The following HNRNPK variants were observed in gnomAD, a reference collection of about 807,000 sequenced individuals.
HNRNPK encodes the protein heterogeneous nuclear ribonucleoprotein K, also known as dC-stretch binding protein.
Under a neutral mutation model 67.0 loss-of-function variants are expected in HNRNPK, and 7 were observed. The observed-to-expected ratio is 0.10, with a 90% CI of 0.06 to 0.20. The LOEUF is 0.20. Ranked by LOEUF, HNRNPK falls within the 10% of genes least tolerant of loss-of-function variation. HNRNPK has a pLI of 1.00. For missense variants in HNRNPK, 264 were observed against 606.5 expected (o/e 0.44, Z 5.93); for synonymous variants, 213 against 193.7 (o/e 1.10, Z -0.83).
intron 4 of HNRNPK, 27 bp from the exon 5 acceptor site, chr9:83,977,078 T>A: frequency 6.4e-7 from 1 of 1,570,074 alleles, no homozygotes. Context: ...GACAAAAAAT[T>A]ATTTTGCCTT....
intron 6 of HNRNPK, 35 bp downstream of exon 6, chr9:83,975,427 A>C (rs762550222): frequency 6.3e-7 from 1 of 1,591,974 alleles, no homozygotes; most frequent in Non-Finnish European, 8.6e-7. Context: ...CTCTCTTTCT[A>C]ATCAGGCAGT....
intron 3 of HNRNPK, 121 bp downstream of exon 3, chr9:83,978,074 C>G (rs1663378052): frequency 1.5e-6 from 1 of 674,314 alleles, no homozygotes; most frequent in South Asian, 1.8e-5. Flanking sequence ...CTGATAATCG[C>G]AGAATTACAT....
intron 6 of HNRNPK, among the ~76,000 whole-genome samples, chr9:83,975,153 T>C (rs867808343): frequency 1.4e-4 from 21 of 152,156 alleles, no homozygotes; most frequent in African/African-American, 4.8e-4. Flanking sequence ...ACAGGCAATG[T>C]TGGGAAGCAA....
chr9:83,979,639 G>A (rs1023212536), intron 1 of HNRNPK, among the ~76,000 whole-genome samples: 3 of 152,152 alleles, frequency 2.0e-5, no homozygotes, highest in African/African-American at 7.2e-5. Context: ...GGCGGCCCGC[G>A]TAATGGCGAC....
rs115527397 is a variant in HNRNPK, at chr9:83,970,317, A to G, written c.1206T>C (p.Ile402=). ...TAATCCGCTGACCACCTTTGCCAATAATAGATCCAGCCAACTGAAAAGATT... is the reference window on the plus strand; with the variant it reads ...TAATCCGCTGACCACCTTTGCCAATGATAGATCCAGCCAACTGAAAAGATT... ...VTIPKDLAGS[I]IGKGGQRIKQ... is the part of the protein sequence containing the mutation. The change falls in exon 16 of 17, where the codon ATT becomes ATC. Residue 402 remains isoleucine (I), a synonymous_variant. Coordinates refer to ENST00000376263, the MANE Select transcript of HNRNPK (RefSeq NM_031263.4). 53 of 1,612,248 alleles carry G rather than the reference A, an allele frequency of 3.3e-5. No homozygotes were observed. In the East Asian group the frequency reaches 1.1e-3, roughly 33 times the overall value.
intron 4 of HNRNPK, 91 bp from the exon 5 acceptor site, chr9:83,977,142 A>C: frequency 3.4e-6 from 3 of 887,408 alleles, no homozygotes; most frequent in African/African-American, 1.7e-5. Context: ...AAATCCTCTA[A>C]CCTGTTTGTT....
At chr9:83,978,766 T>C (rs2133069471) in intron 1 of HNRNPK, among the ~76,000 whole-genome samples, 1 of 152,360 alleles carries the variant, frequency 6.6e-6, no homozygotes, top group Non-Finnish European at 1.5e-5. Context: ...AGCATACATT[T>C]ATGAAAAGTT....
Position 83,976,877 on chromosome 9 carries a change from T to C in HNRNPK, c.213+118A>G, listed in dbSNP as rs889980577. ...CGAAATCAATTCTGTAATAATAAAT[T>C]ATTACAAATGTCTTTGTAGCTAAAC... On this transcript the variant is annotated intron_variant, in intron 5 of 16. Coordinates refer to ENST00000376263, the MANE Select transcript of HNRNPK (RefSeq NM_031263.4). 3 of 608,932 alleles carry C rather than the reference T, an allele frequency of 4.9e-6. No individual in the cohort carries two copies. In the Admixed American group the frequency reaches 8.9e-5, roughly 18 times the overall value. The allele number at this position is 608,932 out of a possible 1,614,324, so 37.7% of individuals were successfully genotyped here.
rs1259716002 is a variant in HNRNPK, at chr9:83,971,361, T to C, written c.1009-5A>G. On this transcript the variant is annotated splice_polypyrimidine_tract_variant and splice_region_variant and intron_variant, in intron 12 of 16. Transcript: ENST00000376263. ...TTCATCAGCACTGAAACCAACCTGTTAGAGATAAAAACATTAACATGAACC... is the reference window on the plus strand; with the variant it reads ...TTCATCAGCACTGAAACCAACCTGTCAGAGATAAAAACATTAACATGAACC... 6.3e-7 allele frequency: 1 copy of C among 1,593,682 alleles called. No individual in the cohort carries two copies. Among genetic ancestry groups the C allele is most frequent in the Non-Finnish European group, 8.6e-7 (1 of 1,161,586 alleles).
intron 1 of HNRNPK, among the ~76,000 whole-genome samples, chr9:83,979,366 A>G (rs546216475): frequency 2.6e-5 from 4 of 152,330 alleles, no homozygotes; most frequent in Admixed American, 1.3e-4. Context: ...GAAGAGTTGG[A>G]TAAGAAAGTT....
chr9:83,971,673 A>G lies in HNRNPK; in HGVS notation c.1007T>C (p.Met336Thr). ...CTGGTAATAAACCAAAGTTCTTACC[A>G]TGCCGTCGTAACGGTCTCCAGGTCT... ...RGRPGDRYDG[M>T]VGFSADETWD... Residue 336 changes from methionine (M) to threonine (T), a missense_variant and splice_region_variant, in exon 12 of 17, where the codon ATG becomes ACG. Coordinates refer to ENST00000376263, the MANE Select transcript of HNRNPK (RefSeq NM_031263.4). 1.2e-6 allele frequency: 2 copies of G among 1,612,972 alleles called. No homozygotes were observed. The highest frequency in any genetic ancestry group is 1.7e-6 in the Non-Finnish European group (2 of 1,178,924).
rs575103645 is a variant in HNRNPK at position 83,977,861 on chromosome 9, T to C, written c.59-75A>G. 6.5e-6 allele frequency: 6 copies of C among 923,838 alleles called. No individual in the cohort carries two copies. In the African/African-American group the frequency reaches 9.9e-5, roughly 15 times the overall value. 57.2% of individuals were successfully genotyped at this position (923,838 alleles called of 1,614,324 possible). A position where few individuals can be genotyped will look rare whatever the true frequency, so the allele number is the denominator to read the frequency against. ...TAACTCCATTCTGTTTCAAGAGACT[T>C]GTTGCTAATCTTAGGCATGTTTTGA... is the stretch of plus-strand genomic sequence containing the variant. On this transcript the variant is annotated intron_variant, in intron 3 of 16. Transcript: ENST00000376263.
chr9:83,977,328 T>C (rs1055008543), intron 4 of HNRNPK, among the ~76,000 whole-genome samples: 3 of 152,088 alleles, frequency 2.0e-5, no homozygotes, highest in African/African-American at 7.2e-5. Flanking sequence ...TTTGGTAAAA[T>C]AAGTCAATTA....
chr9:83,973,861 G>C, intron 8 of HNRNPK, 41 bp downstream of exon 8: 1 of 1,418,920 alleles, frequency 7.0e-7, no homozygotes, highest in African/African-American at 1.4e-5. Context: ...CTATGGGCCA[G>C]GCTCCATACT....
At chr9:83,973,778 T>G in intron 8 of HNRNPK, 124 bp downstream of exon 8, 1 of 695,296 alleles carries the variant, frequency 1.4e-6, no homozygotes, top group South Asian at 1.8e-5. Context: ...TGTAAGACCA[T>G]TCATGTATCA....
At chr9:83,972,228 A>G in intron 10 of HNRNPK, 39 bp from the exon 11 acceptor site, 2 of 1,449,462 alleles carry the variant, frequency 1.4e-6, no homozygotes, top group Non-Finnish European at 1.9e-6. Context: ...GACTGAAGAA[A>G]AAGAGTCCTG....
intron 10 of HNRNPK, 98 bp from the exon 11 acceptor site, chr9:83,972,287 TCCC>T (rs1956882934): frequency 6.7e-6 from 6 of 894,688 alleles, no homozygotes; most frequent in Non-Finnish European, 1.0e-5. Flanking sequence ...TGTAAGTCAT[TCCC>T]CCATCAGGAG....
chr9:83,974,310 C>G (rs976105095), intron 7 of HNRNPK, among the ~76,000 whole-genome samples: 3 of 148,300 alleles, frequency 2.0e-5, no homozygotes, highest in Non-Finnish European at 4.4e-5. Context: ...GTTAAGTTCA[C>G]ATTTACTCCA....
rs1189807542 is a variant in HNRNPK, at chr9:83,968,805, C to G, written c.*602G>C. ...ACAAGAGATGCACTTATATGTCCAA[C>G]AGAGGAGCTGAAAATTAAACTTAGT... On this transcript the variant is annotated 3_prime_UTR_variant, in exon 17 of 17. Transcript: ENST00000376263. The G allele has an allele frequency of 6.5e-6, 1 of 152,952 alleles. No homozygotes were observed. The highest frequency in any genetic ancestry group is 2.4e-5 in the African/African-American group (1 of 41,392). The allele number at this position is 152,952 out of a possible 1,614,324, so 9.5% of individuals were successfully genotyped here.
Sources: gnomAD v4.1 joint callset for allele counts (sites outside exome capture counted in the v4.1 genomes callset) on GRCh38, gnomAD v4.1.1 for gene constraint, MANE v1.5 for transcripts, NCBI Gene and HGNC (gene_info 2026-07-23, HGNC 2026-07-21) for gene names.